S100A8: variants seen among roughly 807,000 people sequenced by gnomAD.
The protein encoded by S100A8 is S100 calcium binding protein A8, also known as protein S100-A8.
S100A8 carries 1 observed loss-of-function variant against 4.2 expected under a neutral mutation model. That is an observed-to-expected ratio of 0.24 (90% confidence interval 0.08 to 1.12). The LOEUF is 1.12. Ranked by LOEUF, S100A8 falls within the 50% of genes most tolerant of loss-of-function variation. S100A8 has a pLI of 0.53. For missense variants in S100A8, 96 were observed against 111.8 expected, an observed-to-expected ratio of 0.86 and a Z score of 0.64; for synonymous variants, 41 against 44.7, an observed-to-expected ratio of 0.92 and a Z score of 0.33.
At chr1:153,416,558 G>A in the S100A8 span, 3 of 485,858 alleles carry the variant, frequency 6.2e-6, no homozygotes, top group South Asian at 5.1e-5. Context: ...ACACTTCCCA[G>A]TTCTGGTAAG....
chr1:153,404,049 G>C, the S100A8 span, among the ~76,000 whole-genome samples: 1 of 152,268 alleles, frequency 6.6e-6, no homozygotes, highest in African/African-American at 2.4e-5. Context: ...ACAGGACTCA[G>C]GGAGGCACTT....
chr1:153,395,791 T>C (rs1378316957), upstream of S100A8, among the ~76,000 whole-genome samples: 1 of 152,248 alleles, frequency 6.6e-6, no homozygotes, highest in Non-Finnish European at 1.5e-5. Flanking sequence ...TGAACACTAA[T>C]TTCCAAGCAA....
At chr1:153,413,415 C>T in the S100A8 span, among the ~76,000 whole-genome samples, 1 of 152,202 alleles carries the variant, frequency 6.6e-6, no homozygotes, top group South Asian at 2.1e-4. Context: ...ATGTCCAGGG[C>T]TGCTTCTGGG....
the S100A8 span, chr1:153,419,262 C>T: frequency 1.9e-6 from 3 of 1,614,056 alleles, no homozygotes; most frequent in African/African-American, 1.3e-5. Flanking sequence ...CGCAGACTAC[C>T]ACAAGCAGAG....
At chr1:153,408,674 G>T in the S100A8 span, among the ~76,000 whole-genome samples, 1 of 152,170 alleles carries the variant, frequency 6.6e-6, no homozygotes, top group East Asian at 1.9e-4. Flanking sequence ...ACACATAATT[G>T]TCAGATTCAC....
chr1:153,394,591 C>T (rs1662173535), upstream of S100A8, among the ~76,000 whole-genome samples: 1 of 152,108 alleles, frequency 6.6e-6, no homozygotes, highest in African/African-American at 2.4e-5. Context: ...TGCCCTTCCA[C>T]AGGAAAGAAT....
At chr1:153,393,615 A>T (rs1662151123), upstream of S100A8, among the ~76,000 whole-genome samples, 1 of 152,194 alleles carries the variant, frequency 6.6e-6, no homozygotes, top group Admixed American at 6.5e-5. Flanking sequence ...ATCAAGCTCC[A>T]TCTAGGAAAA....
chr1:153,399,042 C>A, the S100A8 span, among the ~76,000 whole-genome samples: 3 of 152,198 alleles, frequency 2.0e-5, no homozygotes, highest in African/African-American at 7.2e-5. Context: ...AGATCCAACA[C>A]AAACCCTCAC....
At chr1:153,392,150 A>G (rs116144764), upstream of S100A8, among the ~76,000 whole-genome samples, 1,597 of 152,368 alleles carry the variant, frequency 0.01, 6 homozygotes, top group Non-Finnish European at 0.017. Context: ...CTCAACAACA[A>G]AAAACAAACA....
the S100A8 span, among the ~76,000 whole-genome samples, chr1:153,413,374 A>G: frequency 6.6e-6 from 1 of 152,200 alleles, no homozygotes; most frequent in Non-Finnish European, 1.5e-5. Flanking sequence ...AGTGTTTACT[A>G]GAAACAGCTG....
upstream of S100A8, among the ~76,000 whole-genome samples, chr1:153,395,732 C>A (rs558928687): frequency 6.6e-6 from 1 of 152,236 alleles, no homozygotes; most frequent in African/African-American, 2.4e-5. Context: ...GACTTCCAGA[C>A]TCTGGTCCTA....
At chr1:153,418,091 C>T in the S100A8 span, 7 of 1,613,988 alleles carry the variant, frequency 4.3e-6, no homozygotes, top group South Asian at 7.7e-5. Flanking sequence ...AGATGAGCAA[C>T]ACTCAAGCTG....
chr1:153,418,543 C>T, the S100A8 span, among the ~76,000 whole-genome samples: 208 of 152,258 alleles, frequency 1.4e-3, no homozygotes, highest in Non-Finnish European at 2.2e-3. Context: ...TCAGGTCCTG[C>T]TTCCCAAAGG....
chr1:153,406,818 G>A, the S100A8 span, among the ~76,000 whole-genome samples: 46 of 152,194 alleles, frequency 3.0e-4, no homozygotes, highest in Admixed American at 4.6e-4. Flanking sequence ...GATGGGGTGG[G>A]TTTATGGAGA....
Position 153,390,128 on chromosome 1 carries a change from CT to C in S100A8, c.256del (p.Ser86AlafsTer10). On this transcript the variant is annotated frameshift_variant, in exon 3 of 3. Transcript: ENST00000368733. LOFTEE classifies it high-confidence loss of function. ...CTACTCTTTGTGGCTTTCTTCATGG[CT>C]TTTTTTGTGGGCTGCCACGCCCATC... ...IKMGVAAHKK[S>X]HEESHKE 3 of 1,613,822 alleles carry C rather than the reference CT, an allele frequency of 1.9e-6. No individual in the cohort carries two copies. Among genetic ancestry groups the C allele is most frequent in the Non-Finnish European group, 2.5e-6 (3 of 1,179,884 alleles).
the S100A8 span, among the ~76,000 whole-genome samples, chr1:153,408,516 G>A: frequency 6.6e-6 from 1 of 152,208 alleles, no homozygotes; most frequent in South Asian, 2.1e-4. Context: ...GTACATGAAA[G>A]TGAGGAGGAG....
At chr1:153,419,308 G>T in the S100A8 span, 8 of 1,613,480 alleles carry the variant, frequency 5.0e-6, no homozygotes, top group African/African-American at 8.0e-5. Context: ...GGAAGCCAGT[G>T]ATCCAGCCCC....
At chr1:153,404,964 T>C in the S100A8 span, among the ~76,000 whole-genome samples, 1 of 152,020 alleles carries the variant, frequency 6.6e-6, no homozygotes, top group East Asian at 1.9e-4. Context: ...ACCAATTCTC[T>C]GCACTCAGGG....
At chr1:153,390,838 G>C in intron 1 of S100A8, 1 of 491,584 alleles carries the variant, frequency 2.0e-6, no homozygotes, top group Non-Finnish European at 3.3e-6. Context: ...GTCCAGCCTA[G>C]GAGACAATGT....
Sources: allele counts gnomAD v4.1 joint callset (sites outside exome capture counted in the v4.1 genomes callset), GRCh38; gene constraint gnomAD v4.1.1; transcripts MANE v1.5; gene names NCBI Gene and HGNC (gene_info 2026-07-23, HGNC 2026-07-21).